Variants in SORCS3 observed in about 807,000 individuals in gnomAD.
The protein encoded by SORCS3 is sortilin related VPS10 domain containing receptor 3, also known as VPS10 domain-containing receptor SorCS3.
SORCS3 carries 57 observed loss-of-function variants against 146.3 expected under a neutral mutation model. The observed-to-expected ratio is 0.39, with a 90% CI of 0.31 to 0.49. The LOEUF (loss-of-function observed/expected upper bound fraction) is 0.49, where lower values mean the gene tolerates loss of function less well. Among genes scored for constraint, SORCS3 ranks in the 20% least tolerant of loss-of-function variants. SORCS3 has a pLI of 0.92. For synonymous variants in SORCS3, 653 were observed against 618.5 expected, an observed-to-expected ratio of 1.06 and a Z score of -0.83; for missense variants, 1,341 against 1,575.5, an observed-to-expected ratio of 0.85 and a Z score of 2.52.
intron 5 of SORCS3, among the ~76,000 whole-genome samples, chr10:105,061,430 G>C (rs1027291958): frequency 2.0e-5 from 3 of 151,614 alleles, no homozygotes; most frequent in Non-Finnish European, 4.4e-5. Context: ...AAGTAGCTGA[G>C]ACTACAGGCG....
intron 1 of SORCS3, among the ~76,000 whole-genome samples, chr10:104,656,343 G>T (rs894072411): frequency 2.6e-5 from 4 of 152,090 alleles, no homozygotes; most frequent in African/African-American, 7.2e-5. Flanking sequence ...ACTAAGCAAG[G>T]GTTTAGTTCT....
chr10:104,857,390 T>C (rs961684992), intron 2 of SORCS3, among the ~76,000 whole-genome samples: 7 of 152,106 alleles, frequency 4.6e-5, no homozygotes, highest in African/African-American at 1.7e-4. Flanking sequence ...GCAAGGGTGA[T>C]TTAGTATGGG....
In SORCS3 at chr10:105,247,345, G is replaced by A. The variant is rs1417381213; in HGVS notation, c.3105+14G>A. The A allele has an allele frequency of 6.7e-7, 1 of 1,494,924 alleles. No homozygotes were observed. The highest frequency in any genetic ancestry group is 1.1e-5 in the South Asian group (1 of 87,408). 92.6% of individuals were successfully genotyped at this position (1,494,924 alleles called of 1,614,324 possible). A position where few individuals can be genotyped will look rare whatever the true frequency, so the allele number is the denominator to read the frequency against. On this transcript the variant is annotated intron_variant, in intron 22 of 26. Transcript: ENST00000369701. ...GCTCTGGTTAAAGTAAGTTGGCTTTGTCTTTTTTTAAGTTCTTGTGAATAA... is the reference window on the plus strand; with the variant it reads ...GCTCTGGTTAAAGTAAGTTGGCTTTATCTTTTTTTAAGTTCTTGTGAATAA...
At chr10:105,158,829 G>A in intron 10 of SORCS3, 63 bp from the exon 11 acceptor site, 1 of 1,283,842 alleles carries the variant, frequency 7.8e-7, no homozygotes, top group Non-Finnish European at 1.1e-6. Context: ...CCCATCTCTA[G>A]TGGGGCAGGG....
At chr10:104,719,099 T>C (rs914719345) in intron 1 of SORCS3, among the ~76,000 whole-genome samples, 3 of 152,188 alleles carry the variant, frequency 2.0e-5, no homozygotes, top group Admixed American at 2.0e-4. Flanking sequence ...TAATTTTATA[T>C]ATATTTTTCA....
chr10:104,979,077 T>C (rs2054918407), intron 4 of SORCS3, among the ~76,000 whole-genome samples: 1 of 152,196 alleles, frequency 6.6e-6, no homozygotes, highest in African/African-American at 2.4e-5. Flanking sequence ...GTAAACTCCC[T>C]GATGAAATCA....
intron 3 of SORCS3, among the ~76,000 whole-genome samples, chr10:104,922,755 T>C (rs1397933103): frequency 6.8e-6 from 1 of 146,530 alleles, no homozygotes; most frequent in African/African-American, 2.7e-5. Context: ...CTGTTTCCAG[T>C]TGGCAGCATG....
intron 5 of SORCS3, among the ~76,000 whole-genome samples, chr10:105,057,385 A>G (rs142700234): frequency 9.2e-5 from 14 of 152,290 alleles, no homozygotes; most frequent in Admixed American, 9.2e-4. Flanking sequence ...CACAAGCTAC[A>G]TATGGGTATA....
At chr10:104,836,707 C>G (rs1214991418) in intron 1 of SORCS3, among the ~76,000 whole-genome samples, 1 of 152,090 alleles carries the variant, frequency 6.6e-6, no homozygotes, top group Non-Finnish European at 1.5e-5. Flanking sequence ...TGCACCCTTC[C>G]CTTGTCCTTT....
intron 4 of SORCS3, among the ~76,000 whole-genome samples, chr10:104,981,023 A>G (rs143010204): frequency 1.7e-4 from 26 of 151,332 alleles, no homozygotes; most frequent in African/African-American, 6.4e-4. Context: ...GAGTCCTCCA[A>G]AGCTGCAAAG....
intron 13 of SORCS3, among the ~76,000 whole-genome samples, chr10:105,171,755 A>G (rs926355484): frequency 3.9e-5 from 6 of 152,184 alleles, no homozygotes; most frequent in African/African-American, 1.4e-4. Context: ...CTCAATGACC[A>G]CTGTAGCTCT....
At chr10:105,018,117 G>T (rs190061643) in intron 4 of SORCS3, among the ~76,000 whole-genome samples, 1 of 152,324 alleles carries the variant, frequency 6.6e-6, no homozygotes, top group African/African-American at 2.4e-5. Flanking sequence ...AGTTTAGCCA[G>T]GTCTAAGAGC....
chr10:105,245,454 T>C, intron 20 of SORCS3, 88 bp from the exon 21 acceptor site: 1 of 1,490,956 alleles, frequency 6.7e-7, no homozygotes, highest in South Asian at 1.3e-5. Context: ...CTTTTCCAAG[T>C]TAGGATGACA....
At chr10:104,885,620 A>G (rs768076122) in intron 2 of SORCS3, among the ~76,000 whole-genome samples, 2 of 152,180 alleles carry the variant, frequency 1.3e-5, no homozygotes, top group East Asian at 1.9e-4. Context: ...ATGCATAACC[A>G]TGAAACAATA....
intron 1 of SORCS3, among the ~76,000 whole-genome samples, chr10:104,696,466 T>TATATATAATATATAATATATA (rs1265243393): frequency 1.6e-5 from 1 of 60,970 alleles, no homozygotes; most frequent in African/African-American, 5.5e-5. Context: ...GAATATATAA[T>TATATATAATATATAATATATA]ATATAGAATA....
chr10:104,720,581 C>T (rs1176072754), intron 1 of SORCS3, among the ~76,000 whole-genome samples: 1 of 152,236 alleles, frequency 6.6e-6, no homozygotes, highest in Non-Finnish European at 1.5e-5. Context: ...AACTAGTTTA[C>T]AGTCCCACTA....
intron 1 of SORCS3, among the ~76,000 whole-genome samples, chr10:104,769,248 TG>T (rs2017218757): frequency 6.6e-6 from 1 of 152,182 alleles, no homozygotes; most frequent in Non-Finnish European, 1.5e-5. Flanking sequence ...TCTAGACTGC[TG>T]CATGTTAGGT....
In SORCS3 at chr10:104,674,721, C is replaced by T. The variant is rs552834544; in HGVS notation, c.627+32767C>T. On this transcript the variant is annotated intron_variant, in intron 1 of 26. Coordinates refer to ENST00000369701, the MANE Select transcript of SORCS3 (RefSeq NM_014978.3). ...TGTTCAGTTTTGGAATAATTTGTTACACAGCAATAGATAGCTAATATGTAT... is the reference window on the plus strand; with the variant it reads ...TGTTCAGTTTTGGAATAATTTGTTATACAGCAATAGATAGCTAATATGTAT... 4.7e-4 allele frequency among the ~76,000 whole-genome samples: 72 copies of T among 152,310 alleles called. 1 individual carries two copies. The highest frequency in any genetic ancestry group is 1.6e-3 in the African/African-American group (68 of 41,572).
chr10:104,985,390 T>A (rs1267404874), intron 4 of SORCS3, among the ~76,000 whole-genome samples: 1 of 152,286 alleles, frequency 6.6e-6, no homozygotes, highest in East Asian at 1.9e-4. Context: ...CTTATAATTC[T>A]ACTATTCTTG....
Sources: allele counts gnomAD v4.1 joint callset (sites outside exome capture counted in the v4.1 genomes callset), GRCh38; gene constraint gnomAD v4.1.1; transcripts MANE v1.5; gene names NCBI Gene and HGNC (gene_info 2026-07-23, HGNC 2026-07-21).